The following KIAA1549L variants were observed in gnomAD, a reference collection of about 807,000 sequenced individuals.
The protein encoded by KIAA1549L is UPF0606 protein KIAA1549L.
A neutral mutation model predicts 160.7 loss-of-function variants in KIAA1549L; 88 were observed. That is an observed-to-expected ratio of 0.55 (90% CI 0.46 to 0.65). The LOEUF is 0.65. Ranked by LOEUF, KIAA1549L falls within the 30% of genes least tolerant of loss-of-function variation. The pLI is 0.00. For synonymous variants in KIAA1549L, 950 were observed against 976.7 expected (o/e 0.97, Z 0.51); for missense variants, 2,258 against 2,437.5 (o/e 0.93, Z 1.55).
intron 1 of KIAA1549L, among the ~76,000 whole-genome samples, chr11:33,478,853 G>A (rs924496322): frequency 3.9e-5 from 6 of 152,140 alleles, no homozygotes; most frequent in Non-Finnish European, 7.3e-5. Flanking sequence ...GGATGGTCTC[G>A]ATCTCTTGAC....
Position 33,671,581 on chromosome 11 carries a change from AACACACACACACACACAC to A in KIAA1549L, c.*3446_*3463del, listed in dbSNP as rs3042014. On this transcript the variant is annotated 3_prime_UTR_variant, in exon 21 of 21. Transcript: ENST00000658780. ...AGAAAGGAAATAGATCTGTGATTAA[AACACACACACACACACAC>A]ACACACACACACACACACCCTACTT... is the stretch of plus-strand genomic sequence containing the variant. The A allele has an allele frequency of 4.2e-5, 6 of 143,714 alleles. No individual in the cohort carries two copies. The highest frequency in any genetic ancestry group is 7.6e-5 in the Non-Finnish European group (5 of 65,530). 8.9% of individuals were successfully genotyped at this position (143,714 alleles called of 1,614,324 possible). A position where few individuals can be genotyped will look rare whatever the true frequency, so the allele number is the denominator to read the frequency against.
At chr11:33,495,705 G>A (rs979166189) in intron 1 of KIAA1549L, among the ~76,000 whole-genome samples, 16 of 152,104 alleles carry the variant, frequency 1.1e-4, no homozygotes, top group African/African-American at 3.1e-4. Context: ...TCGCCACACC[G>A]ACTTCCACAA....
chr11:33,645,974 G>A lies in KIAA1549L; in HGVS notation c.5698G>A (p.Ala1900Thr), dbSNP rs1851710945. ...SAPGTMTRPRAGVQWVPTYRP... is the reference protein window; with the variant it reads ...SAPGTMTRPRTGVQWVPTYRP... ...TCCGGGGACCATGACGCGGCCCAGG[G>A]CCGGGGTGCAGTGGGTGCCGACCTA... The change falls in exon 17 of 21, where the codon GCC (alanine) becomes ACC (threonine). Residue 1900 changes from alanine (A) to threonine (T), a missense_variant. Physicochemically the swap from Ala to Thr is moderately conservative, Grantham distance 58 (BLOSUM62 0). Coordinates refer to ENST00000658780, the MANE Select transcript of KIAA1549L (RefSeq NM_012194.3). 1 of 1,611,194 alleles carries A rather than the reference G, an allele frequency of 6.2e-7. No homozygotes were observed. The highest frequency in any genetic ancestry group is 8.5e-7 in the Non-Finnish European group (1 of 1,178,696).
chr11:33,476,148 G>C lies in KIAA1549L; in HGVS notation c.239-65654G>C, dbSNP rs1852281854. Reference sequence around the variant, plus strand: ...ATTACTGTGCTGAAATTGGCAAACTGCCAAGGCAGCTTTGAAGGGAACAAG... The same window carrying C: ...ATTACTGTGCTGAAATTGGCAAACTCCCAAGGCAGCTTTGAAGGGAACAAG... On this transcript the variant is annotated intron_variant, in intron 1 of 20. Coordinates refer to ENST00000658780, the MANE Select transcript of KIAA1549L (RefSeq NM_012194.3). Among the ~76,000 whole-genome samples, 4 of 152,380 alleles carry C rather than the reference G, an allele frequency of 2.6e-5. No homozygotes were observed. The South Asian group carries it at 8.3e-4, about 32-fold the overall frequency.
At chr11:33,495,843 A>G (rs1013505027) in intron 1 of KIAA1549L, among the ~76,000 whole-genome samples, 2 of 151,450 alleles carry the variant, frequency 1.3e-5, no homozygotes, top group African/African-American at 2.4e-5. Context: ...ATGGTATCTC[A>G]TTGTGGTTTT....
intron 18 of KIAA1549L, among the ~76,000 whole-genome samples, chr11:33,658,297 G>A (rs1852139282): frequency 6.6e-6 from 1 of 152,104 alleles, no homozygotes; most frequent in South Asian, 2.1e-4. Context: ...TGGCTCCCCA[G>A]CTGTCCCGGG....
chr11:33,551,013 G>A (rs1246081304), intron 4 of KIAA1549L, 27 bp from the exon 5 acceptor site: 2 of 1,583,316 alleles, frequency 1.3e-6, no homozygotes. Flanking sequence ...ATAAACAATG[G>A]GTTTTGTGGG....
At chr11:33,521,384 A>G (rs1300452075) in intron 1 of KIAA1549L, among the ~76,000 whole-genome samples, 1 of 152,136 alleles carries the variant, frequency 6.6e-6, no homozygotes, top group African/African-American at 2.4e-5. Context: ...AAGGTTTTTA[A>G]CTTTTCTGTG....
chr11:33,463,632 G>A (rs974016860), intron 1 of KIAA1549L, among the ~76,000 whole-genome samples: 3 of 152,174 alleles, frequency 2.0e-5, no homozygotes, highest in African/African-American at 7.2e-5. Context: ...TGATAGTTGT[G>A]GATCACAGAT....
intron 1 of KIAA1549L, among the ~76,000 whole-genome samples, chr11:33,410,841 C>T (rs975067070): frequency 1.3e-5 from 2 of 152,108 alleles, no homozygotes; most frequent in African/African-American, 2.4e-5. Flanking sequence ...GTTTGGGGAA[C>T]GGTGAATTGT....
intron 1 of KIAA1549L, among the ~76,000 whole-genome samples, chr11:33,418,239 C>T (rs991462225): frequency 6.6e-6 from 1 of 152,194 alleles, no homozygotes; most frequent in African/African-American, 2.4e-5. Flanking sequence ...AATAGGCTTT[C>T]ATAAATATTA....
chr11:33,397,926 T>C (rs557647015), intron 1 of KIAA1549L, among the ~76,000 whole-genome samples: 2 of 149,588 alleles, frequency 1.3e-5, no homozygotes, highest in South Asian at 4.2e-4. Context: ...CCTTTTTTTT[T>C]TTTTTTTTTC....
At chr11:33,623,742 G>A (rs760417754) in intron 16 of KIAA1549L, among the ~76,000 whole-genome samples, 1 of 152,122 alleles carries the variant, frequency 6.6e-6, no homozygotes, top group African/African-American at 2.4e-5. Flanking sequence ...AGAGGGAGGC[G>A]GAGGGGTTTC....
At chr11:33,429,495 C>A (rs1262985878) in intron 1 of KIAA1549L, among the ~76,000 whole-genome samples, 1 of 152,182 alleles carries the variant, frequency 6.6e-6, no homozygotes, top group Non-Finnish European at 1.5e-5. Flanking sequence ...TCTGTCAAAT[C>A]CAGTGGTCCA....
intron 8 of KIAA1549L, among the ~76,000 whole-genome samples, chr11:33,562,459 A>G (rs901089254): frequency 1.1e-4 from 16 of 152,166 alleles, no homozygotes; most frequent in Non-Finnish European, 4.4e-5. Flanking sequence ...ACAGACATTT[A>G]TCTGCTCTCA....
At chr11:33,613,121 G>A (rs1850690041) in intron 15 of KIAA1549L, among the ~76,000 whole-genome samples, 1 of 152,144 alleles carries the variant, frequency 6.6e-6, no homozygotes, top group African/African-American at 2.4e-5. Context: ...GTATATAATA[G>A]TAATGGAATT....
At position 33,541,819 on chromosome 11, in the gene KIAA1549L, A is replaced by G. The variant is rs1854029684; in HGVS notation, c.256A>G (p.Met86Val). ...QADPGTDNLQ[M>V]NVTRTPESFP... ...TTTCACAGGAACAGACAATCTACAG[A>G]TGAATGTCACCCGGACTCCAGAGTC... The change falls in exon 2 of 21, where the codon ATG becomes GTG. Residue 86 changes from methionine (M) to valine (V), a missense_variant. This residue lies in a region of KIAA1549L where 540 missense variants were observed against 465.7 expected (regional missense o/e 1.16). Coordinates refer to ENST00000658780, the MANE Select transcript of KIAA1549L (RefSeq NM_012194.3). 3.5e-6 allele frequency: 1 copy of G among 289,270 alleles called. No homozygotes were observed. Among genetic ancestry groups the G allele is most frequent in the Non-Finnish European group, 7.1e-6 (1 of 141,552 alleles). The allele number at this position is 289,270 out of a possible 1,614,324, so 17.9% of individuals were successfully genotyped here. A position where few individuals can be genotyped will look rare whatever the true frequency, so the allele number is the denominator to read the frequency against.
intron 1 of KIAA1549L, among the ~76,000 whole-genome samples, chr11:33,415,186 C>T (rs1010127958): frequency 3.3e-5 from 5 of 151,830 alleles, no homozygotes; most frequent in African/African-American, 7.3e-5. Context: ...TAGTTCAGGG[C>T]GTTAGACATT....
chr11:33,550,932 C>T (rs1408250480), intron 4 of KIAA1549L, 108 bp from the exon 5 acceptor site: 1 of 880,466 alleles, frequency 1.1e-6, no homozygotes, highest in Admixed American at 1.8e-5. Context: ...CGAGAACATT[C>T]TATTCTCCAG....
Sources: allele counts gnomAD v4.1 joint callset (sites outside exome capture counted in the v4.1 genomes callset), GRCh38; gene constraint gnomAD v4.1.1; regional missense constraint gnomAD v4.1.1; transcripts MANE v1.5; gene names NCBI Gene and HGNC (gene_info 2026-07-23, HGNC 2026-07-21).